Variants in TMEM38B observed in about 807,000 individuals in gnomAD.
The protein encoded by TMEM38B is transmembrane protein 38B.
In TMEM38B, 24 loss-of-function variants were observed where a neutral mutation model predicts 28.7. The observed-to-expected ratio is 0.84, with a 90% confidence interval of 0.61 to 1.18. The LOEUF (loss-of-function observed/expected upper bound fraction) is 1.18. Ranked by LOEUF, TMEM38B falls within the 50% of genes most tolerant of loss-of-function variation. The probability of loss-of-function intolerance (pLI) is 0.00; values close to 1 mark genes in which losing one functional copy is unlikely to be tolerated. For missense variants in TMEM38B, 380 were observed against 350.9 expected, an observed-to-expected ratio of 1.08 and a Z score of -0.66; for synonymous variants, 131 against 127.7, an observed-to-expected ratio of 1.03 and a Z score of -0.17.
intron 4 of TMEM38B, among the ~76,000 whole-genome samples, chr9:105,737,185 A>G (rs894020122): frequency 6.6e-6 from 1 of 152,170 alleles, no homozygotes; most frequent in Admixed American, 6.5e-5. Context: ...GTAGATGCAG[A>G]TCGGCCACAA....
chr9:105,758,232 T>C (rs1837904233), intron 5 of TMEM38B: 1 of 661,374 alleles, frequency 1.5e-6, no homozygotes, highest in Admixed American at 2.4e-5. Flanking sequence ...CAGGCGGGCA[T>C]GTATTATTCG....
chr9:105,732,185 T>G (rs2133593146), intron 4 of TMEM38B, among the ~76,000 whole-genome samples: 1 of 152,336 alleles, frequency 6.6e-6, no homozygotes, highest in African/African-American at 2.4e-5. Flanking sequence ...TTTGTTTAAG[T>G]TCTTTGTAGA....
At chr9:105,761,859 C>A (rs192309679) in intron 5 of TMEM38B, among the ~76,000 whole-genome samples, 6 of 152,216 alleles carry the variant, frequency 3.9e-5, no homozygotes, top group Admixed American at 3.3e-4. Context: ...GTCCTAAATG[C>A]TTTTTATAAA....
chr9:105,764,616 A>C (rs1168666919), intron 5 of TMEM38B, among the ~76,000 whole-genome samples: 2 of 151,978 alleles, frequency 1.3e-5, no homozygotes, highest in Non-Finnish European at 2.9e-5. Flanking sequence ...TTCCATGCTC[A>C]TGGGTAAGAA....
intron 2 of TMEM38B, among the ~76,000 whole-genome samples, chr9:105,719,752 G>A (rs1836255011): frequency 6.6e-6 from 1 of 152,102 alleles, no homozygotes; most frequent in Non-Finnish European, 1.5e-5. Context: ...AATAGTATAG[G>A]TTTTTAACTC....
chr9:105,753,133 A>G (rs143675192), intron 5 of TMEM38B, among the ~76,000 whole-genome samples: 2 of 152,332 alleles, frequency 1.3e-5, no homozygotes, highest in Non-Finnish European at 2.9e-5. Context: ...AAATAATGAA[A>G]AAGAATGAAC....
rs1203894836 is a variant in TMEM38B, at chr9:105,759,952, C to T, written c.660+11762C>T. The T allele has an allele frequency of 6.3e-6, 10 of 1,575,628 alleles. No individual in the cohort carries two copies. In the East Asian group the frequency reaches 2.0e-4, roughly 32 times the overall value. ...TGTTGGACAAAGCAGCACAAGTGTG[C>T]AAACAGCTATGCAAAGTGAACTCGG... On this transcript the variant is annotated intron_variant, in intron 5 of 5. Transcript: ENST00000374692.
intron 5 of TMEM38B, among the ~76,000 whole-genome samples, chr9:105,768,945 TCTTC>T (rs1044591938): frequency 1.3e-5 from 2 of 152,224 alleles, no homozygotes; most frequent in African/African-American, 4.8e-5. Context: ...TTTACTTGGT[TCTTC>T]CTTTACTATA....
chr9:105,704,159 C>T (rs1835560728), intron 1 of TMEM38B, among the ~76,000 whole-genome samples: 1 of 151,974 alleles, frequency 6.6e-6, no homozygotes, highest in African/African-American at 2.4e-5. Flanking sequence ...GTTCAGTGCG[C>T]CAGCATGGCA....
intron 2 of TMEM38B, among the ~76,000 whole-genome samples, chr9:105,713,257 C>T (rs1317034837): frequency 2.0e-5 from 3 of 152,206 alleles, no homozygotes; most frequent in Non-Finnish European, 2.9e-5. Flanking sequence ...AGGATCCCCA[C>T]TCCAAACCCC....
chr9:105,700,242 G>A (rs1172905095), intron 1 of TMEM38B, among the ~76,000 whole-genome samples: 1 of 152,150 alleles, frequency 6.6e-6, no homozygotes, highest in Non-Finnish European at 1.5e-5. Context: ...TGCTGTTATA[G>A]CCCTAAAGAG....
rs1458377091 is a variant in TMEM38B, at chr9:105,774,887, C to T, written c.*807C>T. The T allele has an allele frequency of 4.0e-5, 6 of 151,894 alleles. No individual in the cohort carries two copies. The highest frequency in any genetic ancestry group is 1.2e-4 in the African/African-American group (5 of 41,376). The allele number at this position is 151,894 out of a possible 1,614,324, so 9.4% of individuals were successfully genotyped here. ...GAGCTTGACTTATTTTTTTCTCTCT[C>T]ATAAAAACACATTTGTTTTAATTGT... On this transcript the variant is annotated 3_prime_UTR_variant, in exon 6 of 6. Transcript: ENST00000374692.
At position 105,748,213 on chromosome 9, in the gene TMEM38B, A is replaced by G. The variant is rs761049115; in HGVS notation, c.660+23A>G. The G allele has an allele frequency of 1.1e-5, 16 of 1,522,736 alleles. No homozygotes were observed. The Admixed American group carries it at 2.4e-4, about 22-fold the overall frequency. The allele number at this position is 1,522,736 out of a possible 1,614,324, so 94.3% of individuals were successfully genotyped here. ...AAGGTAAGAATTCAAAGTACCTATAATTATTACAAATCCTGTATAACTATT... is the reference window on the plus strand; with the variant it reads ...AAGGTAAGAATTCAAAGTACCTATAGTTATTACAAATCCTGTATAACTATT... On this transcript the variant is annotated intron_variant, in intron 5 of 5. Coordinates refer to ENST00000374692, the MANE Select transcript of TMEM38B (RefSeq NM_018112.3).
At chr9:105,702,507 T>C (rs1835494684) in intron 1 of TMEM38B, among the ~76,000 whole-genome samples, 1 of 152,148 alleles carries the variant, frequency 6.6e-6, no homozygotes, top group East Asian at 1.9e-4. Flanking sequence ...TAACAAAATA[T>C]CTTTCTAACT....
intron 5 of TMEM38B, among the ~76,000 whole-genome samples, chr9:105,752,755 C>T (rs1837700713): frequency 6.6e-6 from 1 of 152,168 alleles, no homozygotes; most frequent in African/African-American, 2.4e-5. Flanking sequence ...GCCAGAGTGC[C>T]TCTTCTCCCC....
At chr9:105,741,545 A>T (rs1469098409) in intron 4 of TMEM38B, among the ~76,000 whole-genome samples, 1 of 152,202 alleles carries the variant, frequency 6.6e-6, no homozygotes, top group East Asian at 1.9e-4. Context: ...GGAACATGAT[A>T]TTGGGAACTG....
At chr9:105,728,284 T>A (rs1358262894) in intron 4 of TMEM38B, among the ~76,000 whole-genome samples, 2 of 143,690 alleles carry the variant, frequency 1.4e-5, no homozygotes, top group East Asian at 4.0e-4. Context: ...GATGTTCCCC[T>A]CTCTGTGTCC....
At chr9:105,717,202 CTT>C in intron 2 of TMEM38B, among the ~76,000 whole-genome samples, 2 of 152,254 alleles carry the variant, frequency 1.3e-5, no homozygotes, top group Middle Eastern at 3.4e-3. Flanking sequence ...CATTCCATCT[CTT>C]TTCTTCCGCC....
chr9:105,758,703 A>C, intron 5 of TMEM38B: 1 of 743,192 alleles, frequency 1.3e-6, no homozygotes, highest in South Asian at 1.5e-5. Flanking sequence ...AAAAAACAAC[A>C]TAGAGAACTT....
Sources: gnomAD v4.1 joint callset for allele counts (sites outside exome capture counted in the v4.1 genomes callset) on GRCh38, gnomAD v4.1.1 for gene constraint, MANE v1.5 for transcripts, NCBI Gene and HGNC (gene_info 2026-07-23, HGNC 2026-07-21) for gene names.